Variants in C2orf69 observed in about 807,000 individuals in gnomAD.
C2orf69 encodes the protein mitochondrial protein C2orf69.
In C2orf69, 19 loss-of-function variants were observed where a neutral mutation model predicts 29.5. The ratio of observed to expected loss-of-function variants is 0.65; its 90% CI spans 0.45 to 0.95. The LOEUF (loss-of-function observed/expected upper bound fraction) is 0.95. Ranked by LOEUF, C2orf69 falls within the 40% of genes least tolerant of loss-of-function variation. The pLI is 0.00. For synonymous variants in C2orf69, 194 were observed against 180.0 expected (o/e 1.08, Z -0.62); for missense variants, 416 against 482.1 (o/e 0.86, Z 1.28).
chr2:199,915,448 T>A (rs184981015), intron 1 of C2orf69, among the ~76,000 whole-genome samples: 1 of 151,968 alleles, frequency 6.6e-6, no homozygotes, highest in Non-Finnish European at 1.5e-5. Context: ...TTTGAAGAAA[T>A]ATTGAACAGA....
intron 1 of C2orf69, among the ~76,000 whole-genome samples, chr2:199,916,923 G>A (rs2077294765): frequency 1.3e-5 from 2 of 152,210 alleles, no homozygotes; most frequent in African/African-American, 4.8e-5. Context: ...ACTAGGCAGT[G>A]CCCCAGTAGG....
chr2:199,913,323 TAA>T (rs1491118529), intron 1 of C2orf69, among the ~76,000 whole-genome samples: 1 of 103,830 alleles, frequency 9.6e-6, no homozygotes, highest in African/African-American at 4.0e-5. Context: ...ATATTATATA[TAA>T]TATATATTCT....
At chr2:199,921,187 A>C (rs2077314599) in intron 1 of C2orf69, among the ~76,000 whole-genome samples, 1 of 151,244 alleles carries the variant, frequency 6.6e-6, no homozygotes, top group African/African-American at 2.4e-5. Context: ...TTGTATTTTT[A>C]GTAGAGACGG....
chr2:199,912,037 A>G (rs926443346), intron 1 of C2orf69, among the ~76,000 whole-genome samples: 2 of 152,186 alleles, frequency 1.3e-5, no homozygotes, highest in Admixed American at 1.3e-4. Context: ...CAGGTTTCCA[A>G]GAGGCGGAAT....
chr2:199,916,598 G>A (rs2077293612), intron 1 of C2orf69, among the ~76,000 whole-genome samples: 1 of 152,166 alleles, frequency 6.6e-6, no homozygotes, highest in South Asian at 2.1e-4. Context: ...ACAGGCATTG[G>A]GTAAATACAG....
intron 1 of C2orf69, among the ~76,000 whole-genome samples, chr2:199,919,471 T>A (rs1553565682): frequency 6.6e-6 from 1 of 152,222 alleles, no homozygotes; most frequent in Non-Finnish European, 1.5e-5. Context: ...GGCAGCTCTC[T>A]TAGGCTGGAC....
At chr2:199,922,107 T>C (rs2077319192) in intron 1 of C2orf69, among the ~76,000 whole-genome samples, 1 of 147,720 alleles carries the variant, frequency 6.8e-6, no homozygotes, top group Non-Finnish European at 1.5e-5. Flanking sequence ...CTTTTTCTCT[T>C]TTTTTTGAGG....
rs958961029 is a variant in C2orf69 at position 199,926,929 on chromosome 2, A to G, written c.*1043A>G. ...GTTAGAGCTCTATTAAAAAGGAAACAGATTCCATAGATCTAAGTCAATGTT... is the reference window on the plus strand; with the variant it reads ...GTTAGAGCTCTATTAAAAAGGAAACGGATTCCATAGATCTAAGTCAATGTT... On this transcript the variant is annotated 3_prime_UTR_variant, in exon 2 of 2. Coordinates refer to ENST00000319974, the MANE Select transcript of C2orf69 (RefSeq NM_153689.6). 1 of 152,682 alleles carries G rather than the reference A, an allele frequency of 6.5e-6. No homozygotes were observed. The highest frequency in any genetic ancestry group is 1.9e-4 in the East Asian group (1 of 5,204). 9.5% of individuals were successfully genotyped at this position (152,682 alleles called of 1,614,324 possible). A position where few individuals can be genotyped will look rare whatever the true frequency, so the allele number is the denominator to read the frequency against.
At chr2:199,912,241 AAG>A (rs1313013579) in intron 1 of C2orf69, among the ~76,000 whole-genome samples, 1 of 152,186 alleles carries the variant, frequency 6.6e-6, no homozygotes, top group African/African-American at 2.4e-5. Flanking sequence ...AACCCTAAAA[AAG>A]AGTGGGGATG....
chr2:199,924,536 AAG>A (rs549864562), intron 1 of C2orf69, among the ~76,000 whole-genome samples: 7 of 152,240 alleles, frequency 4.6e-5, no homozygotes, highest in Non-Finnish European at 1.0e-4. Context: ...GATGTGTACA[AAG>A]AGTTTTCTAT....
At chr2:199,911,902 G>A in intron 1 of C2orf69, 131 bp downstream of exon 1, 2 of 1,294,934 alleles carry the variant, frequency 1.5e-6, no homozygotes, top group South Asian at 1.4e-5. Context: ...ACTGAGGGTG[G>A]CTCTTCCTCT....
chr2:199,921,566 A>C (rs1472427146), intron 1 of C2orf69, among the ~76,000 whole-genome samples: 1 of 152,204 alleles, frequency 6.6e-6, no homozygotes, highest in African/African-American at 2.4e-5. Context: ...AGCATTAAGA[A>C]TGGGTAAAGA....
At chr2:199,924,966 C>A in intron 1 of C2orf69, 96 bp from the exon 2 acceptor site, 1 of 724,260 alleles carries the variant, frequency 1.4e-6, no homozygotes, top group Non-Finnish European at 2.3e-6. Flanking sequence ...GTCATTGTAA[C>A]ATCCCTTCTC....
Position 199,918,926 on chromosome 2 carries a change from ATTG to A in C2orf69, c.334-6133_334-6131del, listed in dbSNP as rs142968603. Among the ~76,000 whole-genome samples the A allele has an allele frequency of 7.0e-3, 1,061 of 151,960 alleles. 14 individuals are homozygous for A. The highest frequency in any genetic ancestry group is 0.024 in the African/African-American group (1,002 of 41,410). On this transcript the variant is annotated intron_variant, in intron 1 of 1. Coordinates refer to ENST00000319974, the MANE Select transcript of C2orf69 (RefSeq NM_153689.6). Reference sequence around the variant, plus strand: ...TTTAATACTTTTGAAATTCATCCATATTGTTACCTGTATCTGTAGTTTTTTTCA... The same window carrying A: ...TTTAATACTTTTGAAATTCATCCATATTACCTGTATCTGTAGTTTTTTTCA...
At position 199,911,334 on chromosome 2, in the gene C2orf69, C is replaced by A. The variant is rs1038961463; in HGVS notation, c.-105C>A. Reference sequence around the variant, plus strand: ...TCAGCGCCGGCTCCCGGCCGGGCCGCGGCCGCCGACCGTTGAGCCGCCGGC... The same window carrying A: ...TCAGCGCCGGCTCCCGGCCGGGCCGAGGCCGCCGACCGTTGAGCCGCCGGC... On this transcript the variant is annotated 5_prime_UTR_variant, in exon 1 of 2. Transcript: ENST00000319974. The A allele has an allele frequency of 5.3e-6, 7 of 1,320,998 alleles. No individual in the cohort carries two copies. In the Admixed American group the frequency reaches 1.9e-4, roughly 36 times the overall value. 81.8% of individuals were successfully genotyped at this position (1,320,998 alleles called of 1,614,324 possible). A position where few individuals can be genotyped will look rare whatever the true frequency, so the allele number is the denominator to read the frequency against.
rs546390452 is a variant in C2orf69, at chr2:199,927,048, G to A, written c.*1162G>A. 2 of 152,650 alleles carry A rather than the reference G, an allele frequency of 1.3e-5. No homozygotes were observed. The highest frequency in any genetic ancestry group is 1.3e-4 in the Admixed American group (2 of 15,286). The allele number at this position is 152,650 out of a possible 1,614,324, so 9.5% of individuals were successfully genotyped here. On this transcript the variant is annotated 3_prime_UTR_variant, in exon 2 of 2. Transcript: ENST00000319974. ...GCTATAAGAAAAGTTACAAGGGAAA[G>A]TTTGAAGACACAAATGATTTAATTT... is the stretch of plus-strand genomic sequence containing the variant.
In C2orf69 at chr2:199,927,823, T is replaced by C. The variant is rs1055389782; in HGVS notation, c.*1937T>C. On this transcript the variant is annotated 3_prime_UTR_variant, in exon 2 of 2. Transcript: ENST00000319974. Reference sequence around the variant, plus strand: ...CTATAAGGGGAAGAAAAAGCATTTATTTTCACATGATTAACTGAAATGGAA... The same window carrying C: ...CTATAAGGGGAAGAAAAAGCATTTACTTTCACATGATTAACTGAAATGGAA... 2.6e-5 allele frequency: 4 copies of C among 152,132 alleles called. No homozygotes were observed. The highest frequency in any genetic ancestry group is 9.6e-5 in the African/African-American group (4 of 41,464). 9.4% of individuals were successfully genotyped at this position (152,132 alleles called of 1,614,324 possible).
chr2:199,914,330 A>C (rs2077285358), intron 1 of C2orf69, among the ~76,000 whole-genome samples: 1 of 152,092 alleles, frequency 6.6e-6, no homozygotes, highest in Non-Finnish European at 1.5e-5. Flanking sequence ...CTAAACCTAA[A>C]ATCTCTGGAT....
chr2:199,928,028 G>C lies in C2orf69; in HGVS notation c.*2142G>C, dbSNP rs2077342498. On this transcript the variant is annotated 3_prime_UTR_variant, in exon 2 of 2. Coordinates refer to ENST00000319974, the MANE Select transcript of C2orf69 (RefSeq NM_153689.6). The stretch of plus-strand genomic sequence containing the variant: ...TGCCATCATAGCAAAATGAGACAGT[G>C]TTGAAAAGACAAAATATTTTCTGGA... The C allele has an allele frequency of 6.6e-6, 1 of 152,474 alleles. No homozygotes were observed. The highest frequency in any genetic ancestry group is 1.5e-5 in the Non-Finnish European group (1 of 67,976). 9.4% of individuals were successfully genotyped at this position (152,474 alleles called of 1,614,324 possible).
Sources: allele counts gnomAD v4.1 joint callset (sites outside exome capture counted in the v4.1 genomes callset), GRCh38; gene constraint gnomAD v4.1.1; transcripts MANE v1.5; gene names NCBI Gene and HGNC (gene_info 2026-07-23, HGNC 2026-07-21).